The following FARS2 variants were observed in gnomAD, a reference collection of about 807,000 sequenced individuals.
The protein encoded by FARS2 is phenylalanine--tRNA ligase, mitochondrial.
In FARS2, 40 loss-of-function variants were observed where a neutral mutation model predicts 46.4. The ratio of observed to expected loss-of-function variants is 0.86; its 90% CI spans 0.67 to 1.12. The LOEUF (loss-of-function observed/expected upper bound fraction) is 1.12. Ranked by LOEUF, FARS2 falls within the 50% of genes most tolerant of loss-of-function variation. FARS2 has a pLI of 0.00. For synonymous variants in FARS2, 234 were observed against 214.9 expected (o/e 1.09, Z -0.78); for missense variants, 513 against 567.9 (o/e 0.90, Z 0.98).
intron 6 of FARS2, among the ~76,000 whole-genome samples, chr6:5,628,470 G>A (rs1312829638): frequency 6.6e-6 from 1 of 152,248 alleles, no homozygotes; most frequent in Non-Finnish European, 1.5e-5. Flanking sequence ...GGCATGGTCA[G>A]TAAGGGAGCC....
intron 1 of FARS2, among the ~76,000 whole-genome samples, chr6:5,323,840 A>G (rs1371707814): frequency 6.6e-6 from 1 of 152,210 alleles, no homozygotes; most frequent in East Asian, 1.9e-4. Flanking sequence ...TATCACCCTA[A>G]TGGCTAAGGT....
intron 5 of FARS2, among the ~76,000 whole-genome samples, chr6:5,602,900 T>C (rs1350329642): frequency 2.0e-5 from 3 of 152,164 alleles, no homozygotes; most frequent in Non-Finnish European, 2.9e-5. Flanking sequence ...AATCAGTGTT[T>C]TGTCTAGAAC....
At chr6:5,671,271 C>T (rs780718780) in intron 6 of FARS2, among the ~76,000 whole-genome samples, 6 of 152,150 alleles carry the variant, frequency 3.9e-5, no homozygotes, top group African/African-American at 7.2e-5. Flanking sequence ...GCTTCATGGC[C>T]GAGCTTTCAG....
chr6:5,689,949 T>C (rs1254764495), intron 6 of FARS2, among the ~76,000 whole-genome samples: 1 of 152,216 alleles, frequency 6.6e-6, no homozygotes. Context: ...TTTACCATTA[T>C]GTAATGGCCT....
At chr6:5,257,012 TGTCCTTACTAGC>T (rs1381881370), upstream of FARS2, among the ~76,000 whole-genome samples, 7 of 152,222 alleles carry the variant, frequency 4.6e-5, no homozygotes, top group Admixed American at 4.6e-4. Context: ...CCACTATTCC[TGTCCTTACTAGC>T]GTCCTAATCT....
At chr6:5,652,806 A>G (rs1469842850) in intron 6 of FARS2, among the ~76,000 whole-genome samples, 1 of 152,188 alleles carries the variant, frequency 6.6e-6, no homozygotes, top group African/African-American at 2.4e-5. Context: ...ACAGTGTCTG[A>G]CTGCTCCCGA....
At chr6:5,431,814 C>G (rs1318502654) in intron 4 of FARS2, 2 of 425,476 alleles carry the variant, frequency 4.7e-6, no homozygotes, top group East Asian at 1.4e-4. Flanking sequence ...AATGTAATTT[C>G]AGAGCTGTGA....
chr6:5,471,794 C>A lies in FARS2; in HGVS notation c.904+40622C>A, dbSNP rs1433141684. Among the ~76,000 whole-genome samples the A allele has an allele frequency of 2.0e-5, 3 of 152,156 alleles. No homozygotes were observed. The highest frequency in any genetic ancestry group is 6.5e-5 in the Admixed American group (1 of 15,282). On this transcript the variant is annotated intron_variant, in intron 4 of 6. Coordinates refer to ENST00000274680, the MANE Select transcript of FARS2 (RefSeq NM_006567.5). The surrounding 1 kb of genome is among the most constrained non-coding windows in gnomAD (Gnocchi z 4.1). ...TCTTGTCCCACCAGTGCACATGGTGCGCCCCGTCTGACACCAGGGCGACTT... is the reference window on the plus strand; with the variant it reads ...TCTTGTCCCACCAGTGCACATGGTGAGCCCCGTCTGACACCAGGGCGACTT...
intron 4 of FARS2, among the ~76,000 whole-genome samples, chr6:5,524,547 A>C (rs953548411): frequency 6.6e-6 from 1 of 152,098 alleles, no homozygotes; most frequent in Non-Finnish European, 1.5e-5. Context: ...ACGTGTTGGC[A>C]TCTACACAGA....
chr6:5,338,761 T>C (rs536173202), intron 1 of FARS2, among the ~76,000 whole-genome samples: 17 of 152,172 alleles, frequency 1.1e-4, no homozygotes, highest in Non-Finnish European at 2.5e-4. Flanking sequence ...CTATATCACA[T>C]TCTCCGTGAA....
chr6:5,390,154 G>A (rs1324047757), intron 2 of FARS2, among the ~76,000 whole-genome samples: 1 of 152,234 alleles, frequency 6.6e-6, no homozygotes, highest in Non-Finnish European at 1.5e-5. Flanking sequence ...ATGAGCCACT[G>A]CACCCAGCCT....
At chr6:5,304,004 C>A (rs1288640391) in intron 1 of FARS2, among the ~76,000 whole-genome samples, 2 of 152,142 alleles carry the variant, frequency 1.3e-5, no homozygotes, top group African/African-American at 4.8e-5. Context: ...GGTCCCTCTT[C>A]CTCCCTGAGT....
chr6:5,598,310 C>G (rs576551993), intron 5 of FARS2, among the ~76,000 whole-genome samples: 9 of 152,230 alleles, frequency 5.9e-5, no homozygotes, highest in Non-Finnish European at 1.3e-4. Context: ...TTGAGCCCAG[C>G]AGGTCAAGGC....
chr6:5,729,736 T>C (rs751493861), intron 6 of FARS2, among the ~76,000 whole-genome samples: 2 of 152,020 alleles, frequency 1.3e-5, no homozygotes, highest in Non-Finnish European at 2.9e-5. Context: ...TTCTCTGCTT[T>C]GTTTTTGTTT....
chr6:5,432,527 A>ATATT (rs1554184676), intron 4 of FARS2, among the ~76,000 whole-genome samples: 60 of 49,396 alleles, frequency 1.2e-3, no homozygotes, highest in African/African-American at 1.7e-3. Context: ...ATATATATAT[A>ATATT]TTTTTTTTTT....
chr6:5,760,476 G>A (rs1054494371), intron 6 of FARS2, among the ~76,000 whole-genome samples: 2 of 152,222 alleles, frequency 1.3e-5, no homozygotes, highest in African/African-American at 4.8e-5. Context: ...TCTGTATGCA[G>A]TGAAGCCACT....
intron 5 of FARS2, among the ~76,000 whole-genome samples, chr6:5,580,289 C>CAAAAAAAA (rs35150084): frequency 9.5e-6 from 1 of 105,154 alleles, no homozygotes; most frequent in Non-Finnish European, 1.9e-5. Flanking sequence ...GACTCCGTCT[C>CAAAAAAAA]AAAAAAAAAA....
intron 4 of FARS2, among the ~76,000 whole-genome samples, chr6:5,513,259 A>AT (rs1471379071): frequency 1.3e-5 from 2 of 152,118 alleles, no homozygotes; most frequent in African/African-American, 2.4e-5. Context: ...CAGCGAGGTT[A>AT]TTACCTGAGA....
intron 4 of FARS2, among the ~76,000 whole-genome samples, chr6:5,470,702 T>C (rs1458496714): frequency 6.6e-6 from 1 of 152,186 alleles, no homozygotes; most frequent in Non-Finnish European, 1.5e-5. Flanking sequence ...AAAAACAAAG[T>C]TGGAATCTAA....
Sources: gnomAD v4.1 joint callset for allele counts (sites outside exome capture counted in the v4.1 genomes callset) on GRCh38, gnomAD v4.1.1 for gene constraint, Gnocchi (gnomAD v3.1) non-coding constraint, MANE v1.5 for transcripts, NCBI Gene and HGNC (gene_info 2026-07-23, HGNC 2026-07-21) for gene names.